Variants in MAP3K10 observed in about 807,000 individuals in gnomAD.
MAP3K10 encodes mitogen-activated protein kinase kinase kinase 10, also known as MKN28 derived nonreceptor_type serine/threonine kinase.
In MAP3K10, 22 loss-of-function variants were observed where a neutral mutation model predicts 75.0. That is an observed-to-expected ratio of 0.29 (90% CI 0.21 to 0.42). The LOEUF is 0.42. Ranked by LOEUF, MAP3K10 falls within the 10% of genes least tolerant of loss-of-function variation. The probability of loss-of-function intolerance (pLI) is 1.00; values close to 1 mark genes in which losing one functional copy is unlikely to be tolerated. For synonymous variants in MAP3K10, 599 were observed against 612.9 expected, an observed-to-expected ratio of 0.98 and a Z score of 0.34; for missense variants, 1,165 against 1,379.8, an observed-to-expected ratio of 0.84 and a Z score of 2.47.
chr19:40,203,481 C>T (rs1368321884), intron 2 of MAP3K10, among the ~76,000 whole-genome samples: 1 of 152,198 alleles, frequency 6.6e-6, no homozygotes, highest in African/African-American at 2.4e-5. Flanking sequence ...GCAGGGACCA[C>T]AGCACAGTGA....
chr19:40,195,471 CTTTTTTTTTTTTTTTTTTTTTTT>C (rs61289931), intron 1 of MAP3K10, among the ~76,000 whole-genome samples: 5 of 48,662 alleles, frequency 1.0e-4, no homozygotes, highest in East Asian at 6.8e-4. Flanking sequence ...CCCGCCCGGC[CTTTTTTTTTTTTTTTTTTTTTTT>C]TTTTTTTTTT....
At position 40,193,782 on chromosome 19, in the gene MAP3K10, C is replaced by T. The variant is rs545706042; in HGVS notation, c.682+1069C>T. On this transcript the variant is annotated intron_variant, in intron 1 of 9. Transcript: ENST00000253055. ...ATTCTTCCATTTGGTATTTACCAGG[C>T]CAGATCATGTGCTAAGCAAAGGCAT... 1.2e-4 allele frequency among the ~76,000 whole-genome samples: 18 copies of T among 152,290 alleles called. 1 individual carries two copies. The East Asian group carries it at 3.3e-3, about 28-fold the overall frequency.
chr19:40,213,264 G>A lies in MAP3K10; in HGVS notation c.1837+76G>A. 3 of 1,469,364 alleles carry A rather than the reference G, an allele frequency of 2.0e-6. No homozygotes were observed. The highest frequency in any genetic ancestry group is 2.7e-6 in the Non-Finnish European group (3 of 1,110,100). 91.0% of individuals were successfully genotyped at this position (1,469,364 alleles called of 1,614,324 possible). ...TGAGCCTCCTGGGGCTGAGCGAAGA[G>A]ACCAGGTTTCACTGGGCCAGTGAGT... On this transcript the variant is annotated intron_variant, in intron 8 of 9. Transcript: ENST00000253055. This position sits in a 1 kb window ranked among gnomAD's most constrained non-coding sequence, Gnocchi z 5.7.
chr19:40,204,985 C>A lies in MAP3K10; in HGVS notation c.1013-136C>A. ...TTGGCCAGGAGCTTGGCTTTGAATC[C>A]CTTCCCCTCAGCTCCATAGCAGCTG... On this transcript the variant is annotated intron_variant, in intron 3 of 9. Coordinates refer to ENST00000253055, the MANE Select transcript of MAP3K10 (RefSeq NM_002446.4). This position sits in a 1 kb window ranked among gnomAD's most constrained non-coding sequence, Gnocchi z 4.3. The A allele has an allele frequency of 2.4e-6, 2 of 824,586 alleles. No homozygotes were observed. Among genetic ancestry groups the A allele is most frequent in the Non-Finnish European group, 2.0e-6 (1 of 500,254 alleles). The allele number at this position is 824,586 out of a possible 1,614,324, so 51.1% of individuals were successfully genotyped here.
At chr19:40,210,743 C>A (rs1321868610) in intron 6 of MAP3K10, among the ~76,000 whole-genome samples, 1 of 152,044 alleles carries the variant, frequency 6.6e-6, no homozygotes, top group Admixed American at 6.6e-5. Flanking sequence ...ACCTGAACAC[C>A]AATGTCCAGT....
In MAP3K10 at chr19:40,213,086, C is replaced by A; in HGVS notation, c.1735C>A (p.Leu579Met). The A allele has an allele frequency of 6.2e-7, 1 of 1,606,790 alleles. No individual in the cohort carries two copies. The highest frequency in any genetic ancestry group is 8.5e-7 in the Non-Finnish European group (1 of 1,177,236). ...RVGGEERLKG[L>M]GEGSKQWSSS... ...CCCTGGACCCCGCAGGCTGAAGGGG[C>A]TGGGGGAAGGAAGCAAACAGTGGTC... The change falls in exon 8 of 10, where the codon CTG (leucine) becomes ATG (methionine). Residue 579 changes from leucine to methionine, a missense_variant. Leu to Met is a conservative substitution (Grantham distance 15). Coordinates refer to ENST00000253055, the MANE Select transcript of MAP3K10 (RefSeq NM_002446.4). This position sits in a 1 kb window ranked among gnomAD's most constrained non-coding sequence, Gnocchi z 5.7.
Position 40,213,328 on chromosome 19 carries a change from G to A in MAP3K10, c.1837+140G>A, listed in dbSNP as rs972615969. On this transcript the variant is annotated intron_variant, in intron 8 of 9. Coordinates refer to ENST00000253055, the MANE Select transcript of MAP3K10 (RefSeq NM_002446.4). The surrounding 1 kb of genome is among the most constrained non-coding windows in gnomAD (Gnocchi z 5.7). ...GGGAAGGGAGATGGTGGCCCCTGGG[G>A]CGTGGGGGGTCATTTCCAGGGGCAG... 3.6e-5 allele frequency: 53 copies of A among 1,452,414 alleles called. No individual in the cohort carries two copies. The Admixed American group carries it at 8.3e-4, about 23-fold the overall frequency. The allele number at this position is 1,452,414 out of a possible 1,614,324, so 90.0% of individuals were successfully genotyped here.
intron 1 of MAP3K10, among the ~76,000 whole-genome samples, chr19:40,197,976 C>G (rs1972941757): frequency 6.6e-6 from 1 of 152,170 alleles, no homozygotes; most frequent in Admixed American, 6.5e-5. Flanking sequence ...GGACTGTAGG[C>G]ATGCACCACC....
intron 1 of MAP3K10, among the ~76,000 whole-genome samples, chr19:40,197,414 C>T (rs1249562876): frequency 2.0e-5 from 3 of 152,160 alleles, no homozygotes; most frequent in African/African-American, 7.2e-5. Context: ...CCACCTCCAC[C>T]TCCCAGGTTC....
In MAP3K10 at chr19:40,205,132, C is replaced by A. The variant is rs1277484553; in HGVS notation, c.1024C>A (p.Pro342Thr). The change falls in exon 4 of 10, where the codon CCA becomes ACA. Residue 342 changes from proline (P) to threonine (T), a missense_variant. Physicochemically the swap from Pro to Thr is conservative, Grantham distance 38. Transcript: ENST00000253055. The surrounding 1 kb of genome is among the most constrained non-coding windows in gnomAD (Gnocchi z 4.3). Reference protein sequence around the residue: ...FARLLEECWDPDPHGRPDFGS... With the variant: ...FARLLEECWDTDPHGRPDFGS... ...TCCTCCCACCCCAGAATGCTGGGAC[C>A]CAGACCCCCACGGGCGGCCAGATTT... The A allele has an allele frequency of 6.2e-7, 1 of 1,612,948 alleles. No individual in the cohort carries two copies. Among genetic ancestry groups the A allele is most frequent in the Non-Finnish European group, 8.5e-7 (1 of 1,180,038 alleles).
Position 40,194,392 on chromosome 19 carries a change from C to T in MAP3K10, c.682+1679C>T, listed in dbSNP as rs560830860. ...AAGCTAACATGTGACCACGATGTGCCAGAGCTGGTGCTGTGTCTGGGGAAC... is the reference window on the plus strand; with the variant it reads ...AAGCTAACATGTGACCACGATGTGCTAGAGCTGGTGCTGTGTCTGGGGAAC... On this transcript the variant is annotated intron_variant, in intron 1 of 9. Coordinates refer to ENST00000253055, the MANE Select transcript of MAP3K10 (RefSeq NM_002446.4). 2.0e-5 allele frequency among the ~76,000 whole-genome samples: 3 copies of T among 152,194 alleles called. No individual in the cohort carries two copies. In the South Asian group the frequency reaches 6.2e-4, roughly 32 times the overall value.
At chr19:40,197,569 G>A (rs187329039) in intron 1 of MAP3K10, among the ~76,000 whole-genome samples, 17 of 151,986 alleles carry the variant, frequency 1.1e-4, no homozygotes, top group Admixed American at 3.9e-4. Flanking sequence ...CAAGTGATCC[G>A]CCTGCCTTAG....
chr19:40,203,042 A>G (rs1009211381), intron 2 of MAP3K10, among the ~76,000 whole-genome samples: 5 of 152,226 alleles, frequency 3.3e-5, no homozygotes, highest in Non-Finnish European at 5.9e-5. Context: ...TAGGCACTTA[A>G]TAAGTATACG....
Position 40,192,323 on chromosome 19 carries a change from C to T in MAP3K10, c.292C>T (p.Leu98=). ...QLPQEIPFHE[L]QLEEIIGVGG... ...GCCCCAGGAGATCCCCTTCCACGAG[C>T]TGCAGCTAGAGGAGATCATCGGTGT... The change falls in exon 1 of 10, where the codon CTG becomes TTG. Residue 98 remains leucine, a synonymous_variant. Coordinates refer to ENST00000253055, the MANE Select transcript of MAP3K10 (RefSeq NM_002446.4). This position sits in a 1 kb window ranked among gnomAD's most constrained non-coding sequence, Gnocchi z 7.1. 1 of 1,609,930 alleles carries T rather than the reference C, an allele frequency of 6.2e-7. No homozygotes were observed. The highest frequency in any genetic ancestry group is 8.5e-7 in the Non-Finnish European group (1 of 1,178,516).
chr19:40,198,798 G>A lies in MAP3K10; in HGVS notation c.863+243G>A, dbSNP rs563626895. On this transcript the variant is annotated intron_variant, in intron 2 of 9. Coordinates refer to ENST00000253055, the MANE Select transcript of MAP3K10 (RefSeq NM_002446.4). This position sits in a 1 kb window ranked among gnomAD's most constrained non-coding sequence, Gnocchi z 4.3. ...GATCTAGAGACAAGGCCGGGCGCGGGGGCGCACACCTGTAATCCCAGCACT... is the reference window on the plus strand; with the variant it reads ...GATCTAGAGACAAGGCCGGGCGCGGAGGCGCACACCTGTAATCCCAGCACT... 6.9e-4 allele frequency among the ~76,000 whole-genome samples: 105 copies of A among 152,368 alleles called. No homozygotes were observed. Among genetic ancestry groups the A allele is most frequent in the Admixed American group, 4.6e-4 (7 of 15,308 alleles).
At chr19:40,196,524 TA>T (rs1320508231) in intron 1 of MAP3K10, among the ~76,000 whole-genome samples, 6 of 152,188 alleles carry the variant, frequency 3.9e-5, no homozygotes, top group African/African-American at 1.2e-4. Flanking sequence ...TTTATTTATT[TA>T]TTTATTTCAT....
chr19:40,205,094 C>A lies in MAP3K10; in HGVS notation c.1013-27C>A. On this transcript the variant is annotated intron_variant, in intron 3 of 9. Coordinates refer to ENST00000253055, the MANE Select transcript of MAP3K10 (RefSeq NM_002446.4). This position sits in a 1 kb window ranked among gnomAD's most constrained non-coding sequence, Gnocchi z 4.3. ...TGACCACTGACACCTCCATGCCCCA[C>A]CACTGTCCTTCCTCCTCCCACCCCA... 1 of 1,609,822 alleles carries A rather than the reference C, an allele frequency of 6.2e-7. No individual in the cohort carries two copies. The highest frequency in any genetic ancestry group is 8.5e-7 in the Non-Finnish European group (1 of 1,177,878).
rs1164663013 is a variant in MAP3K10 at position 40,209,188 on chromosome 19, C to G, written c.1521C>G (p.Pro507=). 2 of 1,614,190 alleles carry G rather than the reference C, an allele frequency of 1.2e-6. No homozygotes were observed. Among genetic ancestry groups the G allele is most frequent in the Admixed American group, 3.3e-5 (2 of 60,024 alleles). ...ATGGGGCCAGCCCCCCTGCAAGCCC[C>G]AGCATCATCCCCCGGCTGAGGGCCA... ...GSDGASPPAS[P]SIIPRLRAIR... The change falls in exon 6 of 10, where the codon CCC becomes CCG. Residue 507 remains proline, a synonymous_variant. Transcript: ENST00000253055.
chr19:40,211,367 T>G (rs2145095278), intron 6 of MAP3K10, among the ~76,000 whole-genome samples: 1 of 152,062 alleles, frequency 6.6e-6, no homozygotes, highest in South Asian at 2.1e-4. Context: ...GTATGGATTT[T>G]TTTGTTTTTA....
Sources: gnomAD v4.1 joint callset for allele counts (sites outside exome capture counted in the v4.1 genomes callset) on GRCh38, gnomAD v4.1.1 for gene constraint, Gnocchi (gnomAD v3.1) non-coding constraint, MANE v1.5 for transcripts, NCBI Gene and HGNC (gene_info 2026-07-23, HGNC 2026-07-21) for gene names.